PGM2L1: variants seen among roughly 807,000 people sequenced by gnomAD.
PGM2L1 encodes phosphoglucomutase 2 like 1.
In PGM2L1, 35 loss-of-function variants were observed where a neutral mutation model predicts 73.4. The ratio of observed to expected loss-of-function variants is 0.48; its 90% CI spans 0.36 to 0.63. The LOEUF (loss-of-function observed/expected upper bound fraction) is 0.63, where lower values mean the gene tolerates loss of function less well. Among genes scored for constraint, PGM2L1 ranks in the 30% least tolerant of loss-of-function variants. The pLI is 0.00. For synonymous variants in PGM2L1, 225 were observed against 253.8 expected, an observed-to-expected ratio of 0.89 and a Z score of 1.08; for missense variants, 570 against 742.0, an observed-to-expected ratio of 0.77 and a Z score of 2.69.
intron 13 of PGM2L1, 77 bp downstream of exon 13, chr11:74,338,391 G>A: frequency 7.7e-7 from 1 of 1,297,024 alleles, no homozygotes; most frequent in South Asian, 2.1e-5. Flanking sequence ...TACATTTTAA[G>A]TGCGTGAGCT....
At chr11:74,339,814 T>C (rs1013917028) in intron 12 of PGM2L1, among the ~76,000 whole-genome samples, 1 of 152,210 alleles carries the variant, frequency 6.6e-6, no homozygotes, top group East Asian at 1.9e-4. Flanking sequence ...TCTCTGGACC[T>C]TGTACTTACT....
At chr11:74,384,173 A>G (rs1212187423) in intron 1 of PGM2L1, among the ~76,000 whole-genome samples, 1 of 151,326 alleles carries the variant, frequency 6.6e-6, no homozygotes, top group East Asian at 1.9e-4. Context: ...TGTTCTGACT[A>G]TTTTTCACTG....
At chr11:74,392,061 A>T (rs1223194823) in intron 1 of PGM2L1, among the ~76,000 whole-genome samples, 2 of 152,208 alleles carry the variant, frequency 1.3e-5, no homozygotes, top group Non-Finnish European at 2.9e-5. Context: ...TAGCACAGGG[A>T]TATATTTGAC....
At chr11:74,389,003 G>A (rs1186566016) in intron 1 of PGM2L1, among the ~76,000 whole-genome samples, 1 of 152,156 alleles carries the variant, frequency 6.6e-6, no homozygotes. Flanking sequence ...ACATAAATTA[G>A]GTAAAAACAG....
At chr11:74,352,606 G>C (rs989604400) in intron 5 of PGM2L1, among the ~76,000 whole-genome samples, 5 of 152,136 alleles carry the variant, frequency 3.3e-5, no homozygotes, top group African/African-American at 1.2e-4. Flanking sequence ...AAGGAAAGAA[G>C]AATACATTTG....
At chr11:74,397,868 C>T (rs1388472639) in intron 1 of PGM2L1, 183 bp downstream of exon 1, 3 of 1,087,056 alleles carry the variant, frequency 2.8e-6, no homozygotes, top group South Asian at 5.4e-5. Context: ...ATGTTGCCGC[C>T]CGGCTCTGGC....
chr11:74,371,957 G>T, intron 2 of PGM2L1, 140 bp from the exon 3 acceptor site: 1 of 668,718 alleles, frequency 1.5e-6, no homozygotes, highest in Non-Finnish European at 2.7e-6. Context: ...ATGTTTACCA[G>T]TGTGGGAGCA....
At chr11:74,351,171 GAAT>G (rs745935993) in intron 6 of PGM2L1, among the ~76,000 whole-genome samples, 12 of 152,108 alleles carry the variant, frequency 7.9e-5, no homozygotes, top group Non-Finnish European at 1.0e-4. Flanking sequence ...TTTTATTGCT[GAAT>G]AATATTTCAT....
intron 5 of PGM2L1, among the ~76,000 whole-genome samples, chr11:74,361,046 A>G (rs1378669605): frequency 6.6e-6 from 1 of 152,212 alleles, no homozygotes; most frequent in Non-Finnish European, 1.5e-5. Flanking sequence ...CTTGGAAGAC[A>G]GTAGTGGTTC....
chr11:74,349,114 T>G (rs574185862), intron 6 of PGM2L1, among the ~76,000 whole-genome samples: 1 of 152,362 alleles, frequency 6.6e-6, no homozygotes, highest in Admixed American at 6.5e-5. Context: ...CTGTTATTTC[T>G]TCTGCATTTA....
At chr11:74,350,765 T>A (rs1424842845) in intron 6 of PGM2L1, among the ~76,000 whole-genome samples, 7 of 152,124 alleles carry the variant, frequency 4.6e-5, no homozygotes, top group African/African-American at 1.7e-4. Context: ...TAGTCCCAGC[T>A]ACTTCGGAGG....
intron 6 of PGM2L1, among the ~76,000 whole-genome samples, chr11:74,348,745 A>G (rs1450253483): frequency 6.6e-6 from 1 of 152,050 alleles, no homozygotes; most frequent in Non-Finnish European, 1.5e-5. Context: ...AAACTGGCCC[A>G]TTTGTCCTGT....
rs1565448427 is a variant in PGM2L1 at position 74,397,744 on chromosome 11, G to GTTTT, written c.111+306_111+307insAAAA. 9.6e-5 allele frequency: 9 copies of GTTTT among 93,486 alleles called. 1 individual carries two copies. Among genetic ancestry groups the GTTTT allele is most frequent in the Admixed American group, 8.0e-4 (4 of 4,988 alleles). 5.8% of individuals were successfully genotyped at this position (93,486 alleles called of 1,614,324 possible). A position where few individuals can be genotyped will look rare whatever the true frequency, so the allele number is the denominator to read the frequency against. On this transcript the variant is annotated intron_variant, in intron 1 of 13. Transcript: ENST00000298198. ...TTAGGGTATAACTTACAATGATGAT[G>GTTTT]ATTTTTTTTTTTTTTTTTTTGAAGA...
intron 4 of PGM2L1, 87 bp downstream of exon 4, chr11:74,370,815 A>G (rs1380541595): frequency 3.2e-6 from 4 of 1,233,354 alleles, no homozygotes; most frequent in Non-Finnish European, 4.7e-6. Flanking sequence ...ACAGAACTAC[A>G]TGCACAAAAA....
At chr11:74,384,503 T>C (rs1179540936) in intron 1 of PGM2L1, among the ~76,000 whole-genome samples, 2 of 151,964 alleles carry the variant, frequency 1.3e-5, no homozygotes. Context: ...CTGCAGGTTC[T>C]TGTTTATGTT....
At chr11:74,392,538 T>C (rs1248105184) in intron 1 of PGM2L1, among the ~76,000 whole-genome samples, 2 of 151,574 alleles carry the variant, frequency 1.3e-5, no homozygotes, top group Non-Finnish European at 2.9e-5. Context: ...TAAAAGCCAA[T>C]AAAATAGTTT....
At chr11:74,337,150 A>T (rs1464353049) in intron 13 of PGM2L1, among the ~76,000 whole-genome samples, 1 of 152,240 alleles carries the variant, frequency 6.6e-6, no homozygotes, top group Non-Finnish European at 1.5e-5. Context: ...TCTTTCAGGT[A>T]GCAGAAGGAG....
rs780569331 is a variant in PGM2L1, at chr11:74,342,470, A to G, written c.1623T>C (p.Asn541=). Residue 541 remains asparagine, a synonymous_variant, in exon 12 of 14, where the codon AAT becomes AAC. Transcript: ENST00000298198. The part of the protein sequence containing the change: ...VTTGYDSSQP[N]KKSVLPVSKN... ...AAAAAAAGGTACTTACTGATTTCTTATTAGGCTGGCTACTGTCATATCCAG... is the reference window on the plus strand; with the variant it reads ...AAAAAAAGGTACTTACTGATTTCTTGTTAGGCTGGCTACTGTCATATCCAG... The G allele has an allele frequency of 1.4e-6, 2 of 1,466,592 alleles. No homozygotes were observed. The highest frequency in any genetic ancestry group is 5.0e-5 in the East Asian group (2 of 39,888). The allele number at this position is 1,466,592 out of a possible 1,614,324, so 90.8% of individuals were successfully genotyped here.
chr11:74,381,876 T>C (rs1437188224), intron 1 of PGM2L1, among the ~76,000 whole-genome samples: 1 of 152,048 alleles, frequency 6.6e-6, no homozygotes, highest in Non-Finnish European at 1.5e-5. Context: ...AAATAATATC[T>C]ATACCCAGCA....
Sources: gnomAD v4.1 joint callset for allele counts (sites outside exome capture counted in the v4.1 genomes callset) on GRCh38, gnomAD v4.1.1 for gene constraint, MANE v1.5 for transcripts, NCBI Gene and HGNC (gene_info 2026-07-23, HGNC 2026-07-21) for gene names.